The following CDC73 variants were observed in gnomAD, a reference collection of about 807,000 sequenced individuals.
The protein encoded by CDC73 is cell division cycle 73, also known as parafibromin.
In CDC73, 21 loss-of-function variants were observed where a neutral mutation model predicts 83.7. The ratio of observed to expected loss-of-function variants is 0.25; its 90% CI spans 0.18 to 0.36. The LOEUF (loss-of-function observed/expected upper bound fraction) is 0.36, where lower values mean the gene tolerates loss of function less well. Ranked by LOEUF, CDC73 falls within the 10% of genes least tolerant of loss-of-function variation. The probability of loss-of-function intolerance (pLI) is 1.00; values close to 1 mark genes in which losing one functional copy is unlikely to be tolerated. For synonymous variants in CDC73, 224 were observed against 212.9 expected, an observed-to-expected ratio of 1.05 and a Z score of -0.45; for missense variants, 342 against 653.3, an observed-to-expected ratio of 0.52 and a Z score of 5.19.
rs1678041179 is a variant in CDC73 at position 193,251,434 on chromosome 1, T to C, written c.*722T>C. The C allele has an allele frequency of 1.7e-5, 4 of 232,116 alleles. No homozygotes were observed. In the East Asian group the frequency reaches 2.4e-4, roughly 14 times the overall value. 14.4% of individuals were successfully genotyped at this position (232,116 alleles called of 1,614,324 possible). A position where few individuals can be genotyped will look rare whatever the true frequency, so the allele number is the denominator to read the frequency against. On this transcript the variant is annotated 3_prime_UTR_variant, in exon 17 of 17. Transcript: ENST00000367435. The stretch of plus-strand genomic sequence containing the variant: ...AACACAGATTAAAACCACAATAGGC[T>C]GTAGTATTTTTTATTTTGGGAGCCA...
At chr1:193,169,926 AT>A (rs1485197253) in intron 10 of CDC73, among the ~76,000 whole-genome samples, 1 of 151,582 alleles carries the variant, frequency 6.6e-6, no homozygotes, top group Non-Finnish European at 1.5e-5. Flanking sequence ...CCCATTAGTT[AT>A]TTTTTCTGAT....
At chr1:193,183,606 T>G (rs1207523544) in intron 10 of CDC73, among the ~76,000 whole-genome samples, 1 of 151,438 alleles carries the variant, frequency 6.6e-6, no homozygotes, top group African/African-American at 2.4e-5. Flanking sequence ...AGCTGGCCAT[T>G]CTTTTTAGAC....
chr1:193,233,007 A>T lies in CDC73; in HGVS notation c.1169A>T (p.Asp390Val). 2 of 1,613,760 alleles carry T rather than the reference A, an allele frequency of 1.2e-6. No individual in the cohort carries two copies. The highest frequency in any genetic ancestry group is 8.5e-7 in the Non-Finnish European group (1 of 1,179,680). Residue 390 changes from aspartate to valine, a missense_variant, in exon 14 of 17, where the codon GAT becomes GTT. This residue lies in a region of CDC73 where 239 missense variants were observed against 420.6 expected (regional missense o/e 0.57). Coordinates refer to ENST00000367435, the MANE Select transcript of CDC73 (RefSeq NM_024529.5). ...LLQDLKFVPS[D>V]EKKKQGCQRE... ...TTTTTTCAAAGATTTGTCCCATCAGATGAAAAGAAGAAACAAGGTTGTCAA... is the reference window on the plus strand; with the variant it reads ...TTTTTTCAAAGATTTGTCCCATCAGTTGAAAAGAAGAAACAAGGTTGTCAA...
chr1:193,200,581 A>G (rs1346964258), intron 10 of CDC73, among the ~76,000 whole-genome samples: 2 of 152,200 alleles, frequency 1.3e-5, no homozygotes, highest in African/African-American at 4.8e-5. Flanking sequence ...TGACTTTTCA[A>G]GAGAAAGCAG....
intron 10 of CDC73, among the ~76,000 whole-genome samples, chr1:193,171,180 C>T (rs1388971210): frequency 6.6e-6 from 1 of 152,232 alleles, no homozygotes; most frequent in African/African-American, 2.4e-5. Flanking sequence ...ATCAATCTGT[C>T]TAGGTCCCAG....
rs1024727736 is a variant in CDC73 at position 193,166,834 on chromosome 1, CG to C, written c.972+14394del. Among the ~76,000 whole-genome samples the C allele has an allele frequency of 8.6e-4, 131 of 151,890 alleles. 1 individual carries two copies. Among genetic ancestry groups the C allele is most frequent in the East Asian group, 9.7e-4 (5 of 5,172 alleles). ...GGCTATTTTGTATTTTTAGCAGAGACGGGGTTTCTCCGTGTTGGTCAGGCTG... is the reference window on the plus strand; with the variant it reads ...GGCTATTTTGTATTTTTAGCAGAGACGGGTTTCTCCGTGTTGGTCAGGCTG... On this transcript the variant is annotated intron_variant, in intron 10 of 16. Transcript: ENST00000367435.
At chr1:193,198,604 T>C (rs1258629201) in intron 10 of CDC73, among the ~76,000 whole-genome samples, 1 of 152,246 alleles carries the variant, frequency 6.6e-6, no homozygotes, top group African/African-American at 2.4e-5. Flanking sequence ...TATTTTGGTA[T>C]AGTAGCACAA....
intron 13 of CDC73, among the ~76,000 whole-genome samples, chr1:193,231,788 T>C (rs1572214531): frequency 1.3e-5 from 2 of 152,168 alleles, no homozygotes; most frequent in Admixed American, 1.3e-4. Context: ...ATATGTGTAA[T>C]TGAAGTTTTT....
intron 10 of CDC73, among the ~76,000 whole-genome samples, chr1:193,162,810 A>G (rs1256387981): frequency 2.0e-5 from 3 of 152,270 alleles, no homozygotes; most frequent in East Asian, 3.9e-4. Flanking sequence ...GTTTTTCTAC[A>G]GTGTCTTTTT....
At chr1:193,143,830 C>G (rs1251446364) in intron 7 of CDC73, among the ~76,000 whole-genome samples, 5 of 151,986 alleles carry the variant, frequency 3.3e-5, no homozygotes, top group African/African-American at 1.2e-4. Flanking sequence ...TCATGAGAGG[C>G]TGGGTGCAGC....
At chr1:193,135,106 GTTATGACATTGGAGCATATAC>G (rs368407669) in intron 3 of CDC73, among the ~76,000 whole-genome samples, 76 of 152,230 alleles carry the variant, frequency 5.0e-4, no homozygotes, top group African/African-American at 1.7e-3. Flanking sequence ...AGGTGTCTGT[GTTATGACATTGGAGCATATAC>G]TTTGAAGCAA....
chr1:193,174,840 A>T (rs1676575306), intron 10 of CDC73, among the ~76,000 whole-genome samples: 1 of 152,196 alleles, frequency 6.6e-6, no homozygotes, highest in African/African-American at 2.4e-5. Flanking sequence ...CCATGTCACT[A>T]CTACCCTTTC....
At chr1:193,157,788 A>G (rs150828661) in intron 10 of CDC73, among the ~76,000 whole-genome samples, 12 of 152,284 alleles carry the variant, frequency 7.9e-5, no homozygotes, top group African/African-American at 2.6e-4. Context: ...AACAAATATA[A>G]GGCTTTGAAG....
chr1:193,156,889 A>G (rs929367470), intron 10 of CDC73, among the ~76,000 whole-genome samples: 2 of 152,156 alleles, frequency 1.3e-5, no homozygotes, highest in African/African-American at 4.8e-5. Flanking sequence ...GTGCTGGGAC[A>G]TCAAAGATGA....
At chr1:193,158,460 G>T (rs1161559269) in intron 10 of CDC73, among the ~76,000 whole-genome samples, 1 of 151,408 alleles carries the variant, frequency 6.6e-6, no homozygotes, top group Non-Finnish European at 1.5e-5. Flanking sequence ...CCAGGAGTTT[G>T]AGACCAGCCT....
At chr1:193,169,284 C>T (rs551765991) in intron 10 of CDC73, among the ~76,000 whole-genome samples, 129 of 152,328 alleles carry the variant, frequency 8.5e-4, no homozygotes, top group African/African-American at 3.0e-3. Context: ...GTGGCTCACA[C>T]CTGTAATCCT....
Position 193,251,900 on chromosome 1 carries a change from G to T in CDC73, c.*1188G>T. ...AGCTTTACTTTCCTAAAGTGTTTTTGCCATTGGAATTTTTGCTGATCACAG... is the reference window on the plus strand; with the variant it reads ...AGCTTTACTTTCCTAAAGTGTTTTTTCCATTGGAATTTTTGCTGATCACAG... On this transcript the variant is annotated 3_prime_UTR_variant, in exon 17 of 17. Coordinates refer to ENST00000367435, the MANE Select transcript of CDC73 (RefSeq NM_024529.5). 4.4e-6 allele frequency: 1 copy of T among 226,640 alleles called. No homozygotes were observed. Among genetic ancestry groups the T allele is most frequent in the Non-Finnish European group, 8.7e-6 (1 of 115,360 alleles). 14.0% of individuals were successfully genotyped at this position (226,640 alleles called of 1,614,324 possible).
intron 10 of CDC73, among the ~76,000 whole-genome samples, chr1:193,152,811 G>A (rs573709897): frequency 3.3e-5 from 5 of 151,816 alleles, no homozygotes; most frequent in African/African-American, 1.2e-4. Context: ...ACAGAGTCTC[G>A]CTCTGTCGCC....
chr1:193,213,300 G>GT (rs1379242887), intron 13 of CDC73, among the ~76,000 whole-genome samples: 1 of 151,668 alleles, frequency 6.6e-6, no homozygotes, highest in African/African-American at 2.4e-5. Flanking sequence ...AATGAGCCAT[G>GT]TTTAAGTGAT....
Sources: allele counts gnomAD v4.1 joint callset (sites outside exome capture counted in the v4.1 genomes callset), GRCh38; gene constraint gnomAD v4.1.1; regional missense constraint gnomAD v4.1.1; transcripts MANE v1.5; gene names NCBI Gene and HGNC (gene_info 2026-07-23, HGNC 2026-07-21).